The following GNG2 variants were observed in gnomAD, a reference collection of about 807,000 sequenced individuals.
GNG2 encodes guanine nucleotide-binding protein G(I)/G(S)/G(O) subunit gamma-2.
A neutral mutation model predicts 5.5 loss-of-function variants in GNG2; 5 were observed. The ratio of observed to expected loss-of-function variants is 0.91; its 90% CI spans 0.48 to 1.92. The LOEUF is 1.92. Among genes scored for constraint, GNG2 ranks in the 30% most tolerant of loss-of-function variants. The pLI is 0.01. For synonymous variants in GNG2, 28 were observed against 32.0 expected (o/e 0.88, Z 0.42); for missense variants, 55 against 88.4 (o/e 0.62, Z 1.52).
chr14:51,850,246 A>G (rs764940776), intron 2 of GNG2, among the ~76,000 whole-genome samples: 39 of 151,988 alleles, frequency 2.6e-4, no homozygotes, highest in Non-Finnish European at 4.7e-4. Context: ...GCAAGTTTTC[A>G]TATTTCTTCC....
rs144340004 is a variant in GNG2 at position 51,903,586 on chromosome 14, C to G, written c.-30+25929C>G. On this transcript the variant is annotated intron_variant, in intron 2 of 3. Coordinates refer to ENST00000556766, the MANE Select transcript of GNG2 (RefSeq NM_053064.5). ...GTATTATTTTAAAAAAATACTTTCC[C>G]TATGGCAGTGAACACACACAGTTCC... 5.0e-3 allele frequency among the ~76,000 whole-genome samples: 758 copies of G among 152,294 alleles called. 5 individuals carry two copies. The highest frequency in any genetic ancestry group is 8.3e-3 in the Non-Finnish European group (567 of 68,022).
intron 2 of GNG2, among the ~76,000 whole-genome samples, chr14:51,895,629 A>G (rs900308466): frequency 2.6e-5 from 4 of 152,234 alleles, no homozygotes; most frequent in Admixed American, 6.5e-5. Flanking sequence ...AGCTCTTTTT[A>G]TGGAAAAAAA....
intron 2 of GNG2, among the ~76,000 whole-genome samples, chr14:51,895,721 C>T (rs1220112414): frequency 6.6e-6 from 1 of 152,156 alleles, no homozygotes; most frequent in East Asian, 1.9e-4. Context: ...GGCTATGTGT[C>T]CCCACCCAAA....
At chr14:51,854,170 G>A (rs547609907) in intron 2 of GNG2, among the ~76,000 whole-genome samples, 167 of 152,198 alleles carry the variant, frequency 1.1e-3, no homozygotes, top group African/African-American at 3.9e-3. Flanking sequence ...CACCATGCCC[G>A]GCCTATCCCT....
intron 2 of GNG2, among the ~76,000 whole-genome samples, chr14:51,840,399 A>G (rs949612438): frequency 6.6e-6 from 1 of 152,186 alleles, no homozygotes; most frequent in Admixed American, 6.5e-5. Context: ...TAGCTCCTTG[A>G]GCCCATTTGT....
upstream of GNG2, among the ~76,000 whole-genome samples, chr14:51,856,599 A>G (rs1019052153): frequency 1.6e-4 from 24 of 152,070 alleles, no homozygotes; most frequent in African/African-American, 5.8e-4. Flanking sequence ...CACCCGGCTT[A>G]TTTTTGTATT....
chr14:51,926,088 G>A (rs990328954), intron 2 of GNG2, among the ~76,000 whole-genome samples: 1 of 151,346 alleles, frequency 6.6e-6, no homozygotes, highest in Non-Finnish European at 1.5e-5. Context: ...GAGTTCTAGA[G>A]ACATTGAGAC....
At chr14:51,872,089 A>C (rs186066921) in intron 1 of GNG2, among the ~76,000 whole-genome samples, 1 of 152,340 alleles carries the variant, frequency 6.6e-6, no homozygotes, top group Non-Finnish European at 1.5e-5. Context: ...TACTGTCAAG[A>C]CAACACAAAG....
rs1055340191 is a variant in GNG2 at position 51,967,957 on chromosome 14, C to T, written c.*1270C>T. On this transcript the variant is annotated 3_prime_UTR_variant, in exon 4 of 4. Transcript: ENST00000556766. ...CAGGGAGAAGGACCTCAAATCGCCA[C>T]TCTTTGGGCGGCAGGTGCGGTCCCC... 3.9e-5 allele frequency: 6 copies of T among 152,208 alleles called. No individual in the cohort carries two copies. The highest frequency in any genetic ancestry group is 1.4e-4 in the African/African-American group (6 of 41,444). 9.4% of individuals were successfully genotyped at this position (152,208 alleles called of 1,614,324 possible).
intron 2 of GNG2, among the ~76,000 whole-genome samples, chr14:51,888,129 T>C (rs1884592392): frequency 6.6e-6 from 1 of 152,202 alleles, no homozygotes; most frequent in African/African-American, 2.4e-5. Flanking sequence ...AGTTTCCTCA[T>C]GCTCCATGAT....
chr14:51,925,329 T>C (rs1887245471), intron 2 of GNG2, among the ~76,000 whole-genome samples: 1 of 152,226 alleles, frequency 6.6e-6, no homozygotes, highest in East Asian at 1.9e-4. Context: ...TTTTCAAAAA[T>C]GTTCCCATTT....
chr14:51,914,012 A>T lies in GNG2; in HGVS notation c.-30+36355A>T, dbSNP rs549100854. On this transcript the variant is annotated intron_variant, in intron 2 of 3. Transcript: ENST00000556766. ...TATCACTAAAATTTTATCTGTAGGT[A>T]AGAATTTCCATGTGTGCTTAAAACT... 19 of 506,330 alleles carry T rather than the reference A, an allele frequency of 3.8e-5. No homozygotes were observed. The South Asian group carries it at 5.6e-4, about 15-fold the overall frequency. The allele number at this position is 506,330 out of a possible 1,614,324, so 31.4% of individuals were successfully genotyped here.
At chr14:51,897,295 AT>A (rs1219931054) in intron 2 of GNG2, among the ~76,000 whole-genome samples, 4 of 152,226 alleles carry the variant, frequency 2.6e-5, no homozygotes, top group African/African-American at 9.6e-5. Context: ...CAGTTAGGAA[AT>A]GTATGGGTTT....
At chr14:51,829,924 C>A (rs1195033614) in intron 2 of GNG2, among the ~76,000 whole-genome samples, 2 of 150,708 alleles carry the variant, frequency 1.3e-5, no homozygotes, top group African/African-American at 2.4e-5. Flanking sequence ...CTCCCTGCAA[C>A]TTCCGCCTCC....
At chr14:51,829,221 A>G (rs896792730) in intron 2 of GNG2, among the ~76,000 whole-genome samples, 3 of 152,130 alleles carry the variant, frequency 2.0e-5, no homozygotes, top group African/African-American at 7.2e-5. Flanking sequence ...TCCCAGGTGT[A>G]TAGCCTAGAC....
chr14:51,874,451 C>T (rs567232838), intron 1 of GNG2, among the ~76,000 whole-genome samples: 1 of 143,746 alleles, frequency 7.0e-6, no homozygotes, highest in South Asian at 2.2e-4. Flanking sequence ...AACAGTCTGG[C>T]TGGGTGTATT....
chr14:51,877,355 C>A (rs1883746752), intron 1 of GNG2, among the ~76,000 whole-genome samples: 2 of 152,142 alleles, frequency 1.3e-5, no homozygotes, highest in African/African-American at 4.8e-5. Flanking sequence ...TTTGTGTTTT[C>A]ATGTTTTCTT....
chr14:51,855,416 C>T (rs1407074032), upstream of GNG2, among the ~76,000 whole-genome samples: 1 of 152,202 alleles, frequency 6.6e-6, no homozygotes, highest in Non-Finnish European at 1.5e-5. Context: ...TTCTTGGCTC[C>T]TAACAGCTGG....
intron 2 of GNG2, among the ~76,000 whole-genome samples, chr14:51,830,938 C>T (rs1248285680): frequency 3.3e-5 from 5 of 152,230 alleles, no homozygotes; most frequent in African/African-American, 9.6e-5. Flanking sequence ...CCTGACAGCA[C>T]GAGCTGTTTC....
Sources: allele counts gnomAD v4.1 joint callset (sites outside exome capture counted in the v4.1 genomes callset), GRCh38; gene constraint gnomAD v4.1.1; transcripts MANE v1.5; gene names NCBI Gene and HGNC (gene_info 2026-07-23, HGNC 2026-07-21).